The following SLC39A9 variants were observed in gnomAD, a reference collection of about 807,000 sequenced individuals.
SLC39A9 encodes the protein solute carrier family 39 member 9, also known as zinc transporter ZIP9.
A neutral mutation model predicts 28.4 loss-of-function variants in SLC39A9; 14 were observed. The observed-to-expected ratio is 0.49, with a 90% confidence interval of 0.33 to 0.77. The LOEUF (loss-of-function observed/expected upper bound fraction) is 0.77, where lower values mean the gene tolerates loss of function less well. Ranked by LOEUF, SLC39A9 falls within the 30% of genes least tolerant of loss-of-function variation. The pLI is 0.02. For synonymous variants in SLC39A9, 119 were observed against 149.6 expected, an observed-to-expected ratio of 0.80 and a Z score of 1.49; for missense variants, 283 against 381.1, an observed-to-expected ratio of 0.74 and a Z score of 2.14.
At chr14:69,414,431 G>GA (rs1883457912) in intron 1 of SLC39A9, among the ~76,000 whole-genome samples, 1 of 152,170 alleles carries the variant, frequency 6.6e-6, no homozygotes, top group Admixed American at 6.5e-5. Context: ...AAATTGTGGT[G>GA]AATTATTTTT....
intron 1 of SLC39A9, among the ~76,000 whole-genome samples, chr14:69,417,975 A>G (rs1389319005): frequency 6.6e-6 from 1 of 152,114 alleles, no homozygotes; most frequent in East Asian, 1.9e-4. Context: ...CTCTTGCCTA[A>G]TTGTCCTGGC....
intron 1 of SLC39A9, among the ~76,000 whole-genome samples, chr14:69,412,506 A>C (rs1313962927): frequency 6.6e-6 from 1 of 152,190 alleles, no homozygotes; most frequent in East Asian, 1.9e-4. Context: ...TTCTTGATAT[A>C]GTTACAAGGA....
At chr14:69,451,236 G>A (rs1340477442) in intron 3 of SLC39A9, among the ~76,000 whole-genome samples, 2 of 152,154 alleles carry the variant, frequency 1.3e-5, no homozygotes, top group Non-Finnish European at 2.9e-5. Flanking sequence ...TTATTAATAA[G>A]AGGTAATATC....
chr14:69,439,989 TCA>T (rs1356144468), intron 2 of SLC39A9, among the ~76,000 whole-genome samples: 10 of 152,158 alleles, frequency 6.6e-5, no homozygotes, highest in African/African-American at 2.4e-4. Flanking sequence ...TTTAGTTGAC[TCA>T]CAGTTCAGCA....
At chr14:69,454,647 C>T (rs1885775720) in intron 4 of SLC39A9, 165 bp from the exon 5 acceptor site, 2 of 511,642 alleles carry the variant, frequency 3.9e-6, no homozygotes, top group Admixed American at 7.1e-5. Context: ...CTAAGAAATA[C>T]ATACTTCATT....
At chr14:69,412,075 C>A (rs1883298407) in intron 1 of SLC39A9, among the ~76,000 whole-genome samples, 1 of 151,798 alleles carries the variant, frequency 6.6e-6, no homozygotes, top group African/African-American at 2.4e-5. Context: ...GCAACCGCAC[C>A]CAGCCTATGG....
At chr14:69,412,280 T>C (rs1245743040) in intron 1 of SLC39A9, among the ~76,000 whole-genome samples, 2 of 151,528 alleles carry the variant, frequency 1.3e-5, no homozygotes, top group African/African-American at 4.8e-5. Flanking sequence ...TCCCAGCTGC[T>C]CAGGAGGCTG....
Position 69,460,116 on chromosome 14 carries a change from A to AT in SLC39A9, c.*1528dup. 1 of 982,458 alleles carries AT rather than the reference A, an allele frequency of 1.0e-6. No individual in the cohort carries two copies. Among genetic ancestry groups the AT allele is most frequent in the Non-Finnish European group, 1.2e-6 (1 of 826,890 alleles). The allele number at this position is 982,458 out of a possible 1,614,324, so 60.9% of individuals were successfully genotyped here. A position where few individuals can be genotyped will look rare whatever the true frequency, so the allele number is the denominator to read the frequency against. On this transcript the variant is annotated 3_prime_UTR_variant, in exon 7 of 7. Coordinates refer to ENST00000336643, the MANE Select transcript of SLC39A9 (RefSeq NM_018375.5). ...GTGTATAATATTGTATTATTAATTT[A>AT]TTTTTACTTTCTATACCATTTCAAA...
intron 3 of SLC39A9, among the ~76,000 whole-genome samples, chr14:69,445,393 T>A (rs1257627566): frequency 2.0e-5 from 3 of 152,202 alleles, no homozygotes; most frequent in Non-Finnish European, 4.4e-5. Context: ...GTAAATATAT[T>A]TTCTCTTTCT....
rs1393994873 is a variant in SLC39A9, at chr14:69,454,820, G to A, written c.481G>A (p.Val161Ile). Residue 161 changes from valine to isoleucine, a missense_variant, in exon 5 of 7, where the codon GTT becomes ATT. By Grantham distance (29) the Val-to-Ile change is conservative. Transcript: ENST00000336643. ...CTTGTTTCCAAATATAGCTGATGGT[G>A]TTGCTTTGGGAGCAGCAGCATCTAC... ...GLVVHAAADG[V>I]ALGAAASTSQ... is the part of the protein sequence containing the mutation. The A allele has an allele frequency of 6.2e-7, 1 of 1,613,674 alleles. No individual in the cohort carries two copies. Among genetic ancestry groups the A allele is most frequent in the East Asian group, 2.2e-5 (1 of 44,854 alleles).
intron 2 of SLC39A9, among the ~76,000 whole-genome samples, chr14:69,437,124 C>A (rs112021156): frequency 0.12 from 18,700 of 152,178 alleles, 1,373 homozygotes; most frequent in Middle Eastern, 0.24. Context: ...GCCTCGGCCT[C>A]CCAAAGTGCT....
chr14:69,410,765 A>T (rs888290354), intron 1 of SLC39A9, among the ~76,000 whole-genome samples: 17 of 151,876 alleles, frequency 1.1e-4, no homozygotes, highest in African/African-American at 4.1e-4. Flanking sequence ...GTGATATTTT[A>T]TCTCTTCAGT....
intron 2 of SLC39A9, among the ~76,000 whole-genome samples, chr14:69,439,940 C>T (rs1434337045): frequency 6.6e-6 from 1 of 152,070 alleles, no homozygotes; most frequent in African/African-American, 2.4e-5. Flanking sequence ...CACAAAAGGC[C>T]CTGAAGCCGG....
chr14:69,406,910 G>C (rs1882948148), intron 1 of SLC39A9, among the ~76,000 whole-genome samples: 1 of 135,820 alleles, frequency 7.4e-6, no homozygotes, highest in South Asian at 2.4e-4. Flanking sequence ...GAGTGCAGTG[G>C]CGTGATCTCA....
At chr14:69,437,629 G>A (rs547787513) in intron 2 of SLC39A9, among the ~76,000 whole-genome samples, 81 of 149,196 alleles carry the variant, frequency 5.4e-4, no homozygotes, top group Admixed American at 8.7e-4. Flanking sequence ...TCACTCTGTC[G>A]CCCAGGCTGG....
intron 2 of SLC39A9, among the ~76,000 whole-genome samples, chr14:69,437,989 C>T (rs988842196): frequency 6.6e-6 from 1 of 150,666 alleles, no homozygotes; most frequent in Non-Finnish European, 1.5e-5. Flanking sequence ...GTTTTTGCTG[C>T]TTTACTCTCT....
At chr14:69,420,096 T>C (rs1009056480) in intron 1 of SLC39A9, among the ~76,000 whole-genome samples, 7 of 152,224 alleles carry the variant, frequency 4.6e-5, no homozygotes, top group Non-Finnish European at 1.5e-5. Flanking sequence ...CTAGCATTGA[T>C]GGTCTTTGCA....
At chr14:69,455,094 T>C (rs1885796039) in intron 5 of SLC39A9, among the ~76,000 whole-genome samples, 197 bp downstream of exon 5, 1 of 152,240 alleles carries the variant, frequency 6.6e-6, no homozygotes, top group African/African-American at 2.4e-5. Context: ...TTTCAATTTT[T>C]TTGTGTAGAC....
In SLC39A9 at chr14:69,399,373, G is replaced by A. The variant is rs1169181085; in HGVS notation, c.4G>A (p.Asp2Asn). M[D>N]DFISISLLSL... ...TGGGTGAATAAAGGAGGGCAGAATG[G>A]ATGATTTCATCTCCATTAGCCTGCT... The change falls in exon 1 of 7, where the codon GAT becomes AAT. Residue 2 changes from aspartate (D) to asparagine (N), a missense_variant. Asp to Asn is a conservative substitution (Grantham distance 23, BLOSUM62 1). Coordinates refer to ENST00000336643, the MANE Select transcript of SLC39A9 (RefSeq NM_018375.5). 6.2e-7 allele frequency: 1 copy of A among 1,613,858 alleles called. No individual in the cohort carries two copies.
Sources: allele counts gnomAD v4.1 joint callset (sites outside exome capture counted in the v4.1 genomes callset), GRCh38; gene constraint gnomAD v4.1.1; transcripts MANE v1.5; gene names NCBI Gene and HGNC (gene_info 2026-07-23, HGNC 2026-07-21).